The following ZYG11B variants were observed in gnomAD, a reference collection of about 807,000 sequenced individuals.
ZYG11B encodes protein zyg-11 homolog B.
ZYG11B carries 36 observed loss-of-function variants against 82.4 expected under a neutral mutation model. The observed-to-expected ratio is 0.44, with a 90% CI of 0.33 to 0.58. ZYG11B has a LOEUF of 0.58. Among genes scored for constraint, ZYG11B ranks in the 20% least tolerant of loss-of-function variants. ZYG11B has a pLI of 0.02. For synonymous variants in ZYG11B, 303 were observed against 312.8 expected, an observed-to-expected ratio of 0.97 and a Z score of 0.33; for missense variants, 552 against 895.6, an observed-to-expected ratio of 0.62 and a Z score of 4.90.
chr1:52,804,188 G>A (rs1188457397), intron 10 of ZYG11B, among the ~76,000 whole-genome samples: 1 of 152,132 alleles, frequency 6.6e-6, no homozygotes, highest in Non-Finnish European at 1.5e-5. Flanking sequence ...GAGGGCTGCA[G>A]TGAGCTGTGC....
chr1:52,746,124 AT>A (rs1212732676), intron 1 of ZYG11B, among the ~76,000 whole-genome samples: 5 of 151,536 alleles, frequency 3.3e-5, no homozygotes, highest in African/African-American at 4.9e-5. Flanking sequence ...CGCCCAGCTA[AT>A]TTTTTGTATT....
At chr1:52,798,713 T>C (rs1645049159) in intron 8 of ZYG11B, among the ~76,000 whole-genome samples, 1 of 152,200 alleles carries the variant, frequency 6.6e-6, no homozygotes, top group African/African-American at 2.4e-5. Flanking sequence ...TGCTGTATGC[T>C]TTGGGGAAGC....
At chr1:52,803,117 TACAC>T (rs1172652923) in intron 10 of ZYG11B, among the ~76,000 whole-genome samples, 1 of 25,204 alleles carries the variant, frequency 4.0e-5, no homozygotes, top group Non-Finnish European at 6.6e-5. Flanking sequence ...TATATATATA[TACAC>T]ACATATATAT....
At chr1:52,742,200 AT>A (rs1644436335) in intron 1 of ZYG11B, among the ~76,000 whole-genome samples, 2 of 152,102 alleles carry the variant, frequency 1.3e-5, no homozygotes, top group South Asian at 4.2e-4. Context: ...ACTCACGCCT[AT>A]TACCCCAGCA....
chr1:52,738,808 G>A (rs1345176435), intron 1 of ZYG11B, among the ~76,000 whole-genome samples: 6 of 150,872 alleles, frequency 4.0e-5, no homozygotes, highest in Admixed American at 6.6e-5. Context: ...TAGTAGAGAC[G>A]GGGTTTCTCC....
chr1:52,818,188 AG>A (rs1645251483), intron 13 of ZYG11B, among the ~76,000 whole-genome samples: 1 of 152,044 alleles, frequency 6.6e-6, no homozygotes, highest in Admixed American at 6.6e-5. Context: ...CAAAAATTAT[AG>A]GGGCCGGGCA....
chr1:52,746,677 A>G (rs1644478669), intron 1 of ZYG11B, among the ~76,000 whole-genome samples: 1 of 100,058 alleles, frequency 1.0e-5, no homozygotes, highest in Admixed American at 1.3e-4. Flanking sequence ...AAAAATAAAG[A>G]TCGGCCACTG....
intron 8 of ZYG11B, among the ~76,000 whole-genome samples, chr1:52,800,664 C>G (rs1645068507): frequency 6.6e-6 from 1 of 151,968 alleles, no homozygotes; most frequent in Non-Finnish European, 1.5e-5. Context: ...TAAAAATTAG[C>G]CAGGTGTGGT....
rs1558139992 is a variant in ZYG11B at position 52,803,099 on chromosome 1, C to CACATATAT, written c.1695+961_1695+962insCATATATA. On this transcript the variant is annotated intron_variant, in intron 10 of 13. Coordinates refer to ENST00000294353, the MANE Select transcript of ZYG11B (RefSeq NM_024646.3). ...ATATATATATACACATATATATATA[C>CACATATAT]ATATATATATATATATATACACACA... Among the ~76,000 whole-genome samples the CACATATAT allele has an allele frequency of 0.015, 162 of 10,790 alleles. 15 individuals are homozygous for CACATATAT. The Middle Eastern group carries it at 0.25, about 17-fold the overall frequency. The allele number at this position is 10,790 out of a possible 152,430, so 7.1% of individuals were successfully genotyped here.
At chr1:52,791,720 C>T (rs1221513880) in intron 6 of ZYG11B, among the ~76,000 whole-genome samples, 1 of 152,184 alleles carries the variant, frequency 6.6e-6, no homozygotes, top group Non-Finnish European at 1.5e-5. Context: ...ACAGAGTACA[C>T]TTATCTGGCA....
chr1:52,744,513 T>TC (rs1195746774), intron 1 of ZYG11B, among the ~76,000 whole-genome samples: 1 of 152,200 alleles, frequency 6.6e-6, no homozygotes, highest in Non-Finnish European at 1.5e-5. Flanking sequence ...ACACTAGAAT[T>TC]CAACTTCAGT....
At chr1:52,747,925 A>G (rs995424240) in intron 1 of ZYG11B, among the ~76,000 whole-genome samples, 3 of 152,206 alleles carry the variant, frequency 2.0e-5, no homozygotes, top group Non-Finnish European at 4.4e-5. Context: ...AGGGATACTG[A>G]TGGAATTTAA....
In ZYG11B at chr1:52,823,291, CAAA is replaced by C. The variant is rs34249507; in HGVS notation, c.*1671_*1673del. On this transcript the variant is annotated 3_prime_UTR_variant, in exon 14 of 14. Coordinates refer to ENST00000294353, the MANE Select transcript of ZYG11B (RefSeq NM_024646.3). The stretch of plus-strand genomic sequence containing the variant: ...CAACATAGTGAGACTCGGTCTCTAC[CAAA>C]AAAAAAAATTTTTTTTTTTTAAATT... 1 of 145,970 alleles carries C rather than the reference CAAA, an allele frequency of 6.9e-6. No individual in the cohort carries two copies. Among genetic ancestry groups the C allele is most frequent in the African/African-American group, 2.5e-5 (1 of 39,762 alleles). The allele number at this position is 145,970 out of a possible 1,614,324, so 9.0% of individuals were successfully genotyped here.
chr1:52,786,762 C>T (rs1644916218), intron 5 of ZYG11B, among the ~76,000 whole-genome samples: 1 of 151,962 alleles, frequency 6.6e-6, no homozygotes, highest in African/African-American at 2.4e-5. Flanking sequence ...GCCTGTGCAA[C>T]AGAGCAAGAC....
In ZYG11B at chr1:52,780,900, T is replaced by C. The variant is rs563533171; in HGVS notation, c.1092+907T>C. ...CAGTGGCTCACACCTGTAATAACTT[T>C]GGGAGGCTGAGGCAGGTGGGTCACT... is the stretch of plus-strand genomic sequence containing the variant. On this transcript the variant is annotated intron_variant, in intron 4 of 13. Transcript: ENST00000294353. Among the ~76,000 whole-genome samples, 27 of 152,286 alleles carry C rather than the reference T, an allele frequency of 1.8e-4. No homozygotes were observed. The East Asian group carries it at 5.0e-3, about 28-fold the overall frequency.
chr1:52,800,929 G>A (rs1645070581), intron 8 of ZYG11B, among the ~76,000 whole-genome samples: 1 of 152,020 alleles, frequency 6.6e-6, no homozygotes, highest in African/African-American at 2.4e-5. Context: ...GTTCATTAAT[G>A]TTTTCTTATA....
chr1:52,739,114 G>A (rs1288547959), intron 1 of ZYG11B, among the ~76,000 whole-genome samples: 1 of 150,872 alleles, frequency 6.6e-6, no homozygotes, highest in Admixed American at 6.7e-5. Flanking sequence ...CAGCCCCCGA[G>A]TGGTTGGGAT....
intron 10 of ZYG11B, among the ~76,000 whole-genome samples, chr1:52,803,079 TATATACAC>T (rs1446377520): frequency 4.5e-5 from 2 of 44,330 alleles, no homozygotes; most frequent in African/African-American, 8.8e-5. Context: ...TATATATATA[TATATACAC>T]ATATATATAT....
chr1:52,818,664 G>A (rs147014529), intron 13 of ZYG11B, among the ~76,000 whole-genome samples: 2 of 152,138 alleles, frequency 1.3e-5, no homozygotes, highest in East Asian at 1.9e-4. Context: ...AGTTAACTAT[G>A]AATTAAATTT....
Sources: gnomAD v4.1 joint callset for allele counts (sites outside exome capture counted in the v4.1 genomes callset) on GRCh38, gnomAD v4.1.1 for gene constraint, MANE v1.5 for transcripts, NCBI Gene and HGNC (gene_info 2026-07-23, HGNC 2026-07-21) for gene names.